Variants in SMOC2 observed in about 807,000 individuals in gnomAD.
SMOC2 encodes the protein SPARC-related modular calcium-binding protein 2.
A neutral mutation model predicts 61.4 loss-of-function variants in SMOC2; 39 were observed. The observed-to-expected ratio is 0.64, with a 90% confidence interval of 0.49 to 0.83. The LOEUF is 0.83. Ranked by LOEUF, SMOC2 falls within the 40% of genes least tolerant of loss-of-function variation. The pLI, the probability that SMOC2 is intolerant of heterozygous loss-of-function variation, is 0.00. For synonymous variants in SMOC2, 247 were observed against 239.9 expected (o/e 1.03, Z -0.27); for missense variants, 556 against 592.9 (o/e 0.94, Z 0.65).
intron 7 of SMOC2, among the ~76,000 whole-genome samples, chr6:168,578,983 G>C (rs957802456): frequency 6.6e-6 from 1 of 152,204 alleles, no homozygotes; most frequent in Non-Finnish European, 1.5e-5. Flanking sequence ...CTGGAGAAGA[G>C]GGCTAAAGGC....
intron 1 of SMOC2, among the ~76,000 whole-genome samples, chr6:168,504,183 G>A (rs777749956): frequency 7.9e-5 from 12 of 151,954 alleles, no homozygotes; most frequent in African/African-American, 1.9e-4. Context: ...TTAGATGGGC[G>A]GTCCCCAACC....
intron 1 of SMOC2, among the ~76,000 whole-genome samples, chr6:168,500,419 T>C (rs1246791954): frequency 1.3e-5 from 2 of 152,022 alleles, no homozygotes; most frequent in Non-Finnish European, 2.9e-5. Flanking sequence ...GTACTTGGTG[T>C]TGGCGGGTCT....
chr6:168,588,806 A>C (rs1785106025), intron 7 of SMOC2, among the ~76,000 whole-genome samples: 1 of 152,218 alleles, frequency 6.6e-6, no homozygotes, highest in Non-Finnish European at 1.5e-5. Flanking sequence ...ATAGAAGTAA[A>C]TACTGGTTAG....
intron 9 of SMOC2, among the ~76,000 whole-genome samples, chr6:168,626,232 C>A (rs750860342): frequency 7.2e-5 from 11 of 152,198 alleles, no homozygotes; most frequent in Non-Finnish European, 1.6e-4. Flanking sequence ...CTCGCACAGA[C>A]TCAAGTCCGC....
Position 168,526,418 on chromosome 6 carries a change from T to G in SMOC2, c.329T>G (p.Ile110Ser), listed in dbSNP as rs1783453971. 1 of 1,614,094 alleles carries G rather than the reference T, an allele frequency of 6.2e-7. No individual in the cohort carries two copies. The highest frequency in any genetic ancestry group is 1.7e-5 in the Admixed American group (1 of 60,006). The change falls in exon 3 of 13, where the codon ATT becomes AGT. Residue 110 changes from isoleucine (I) to serine (S), a missense_variant. Coordinates refer to ENST00000356284, the MANE Select transcript of SMOC2 (RefSeq NM_001166412.2). ...QARKEFQQVF[I>S]PECNDDGTYS... ...CGGAAGGAGTTTCAGCAAGTGTTCATTCCTGAGTGCAATGACGACGGCACC... is the reference window on the plus strand; with the variant it reads ...CGGAAGGAGTTTCAGCAAGTGTTCAGTCCTGAGTGCAATGACGACGGCACC...
At chr6:168,652,469 G>A (rs1787220085) in intron 10 of SMOC2, among the ~76,000 whole-genome samples, 1 of 152,192 alleles carries the variant, frequency 6.6e-6, no homozygotes, top group African/African-American at 2.4e-5. Context: ...GTTTATTTAT[G>A]TATGCCCTAA....
At chr6:168,655,953 G>A (rs552577602) in intron 11 of SMOC2, among the ~76,000 whole-genome samples, 24 of 150,010 alleles carry the variant, frequency 1.6e-4, no homozygotes, top group African/African-American at 3.7e-4. Flanking sequence ...TGGATCCCCC[G>A]TATGTGTGTG....
chr6:168,465,833 TG>T (rs1472066872), intron 1 of SMOC2, among the ~76,000 whole-genome samples: 4 of 117,112 alleles, frequency 3.4e-5, no homozygotes, highest in African/African-American at 1.3e-4. Flanking sequence ...GAGCTGGAAC[TG>T]GGGGGCTCTG....
At chr6:168,563,917 G>C (rs932076271) in intron 7 of SMOC2, among the ~76,000 whole-genome samples, 2 of 152,144 alleles carry the variant, frequency 1.3e-5, no homozygotes, top group Non-Finnish European at 2.9e-5. Context: ...GGCCTGCAGG[G>C]GGCGGGGGCG....
At chr6:168,554,102 C>T (rs1019599673) in intron 7 of SMOC2, among the ~76,000 whole-genome samples, 2 of 151,712 alleles carry the variant, frequency 1.3e-5, no homozygotes, top group African/African-American at 4.9e-5. Flanking sequence ...TTCCATGGGA[C>T]GAGTCGGTTA....
At position 168,535,602 on chromosome 6, in the gene SMOC2, C is replaced by T. The variant is rs1021714200; in HGVS notation, c.463+7875C>T. Among the ~76,000 whole-genome samples the T allele has an allele frequency of 3.3e-5, 5 of 152,174 alleles. No individual in the cohort carries two copies. The highest frequency in any genetic ancestry group is 1.2e-4 in the African/African-American group (5 of 41,442). Reference sequence around the variant, plus strand: ...CTAGGATAGAAAAAGACCCACGAAGCATAAAAGCCGGTGCCACAAAGTCCA... The same window carrying T: ...CTAGGATAGAAAAAGACCCACGAAGTATAAAAGCCGGTGCCACAAAGTCCA... On this transcript the variant is annotated intron_variant, in intron 4 of 12. Coordinates refer to ENST00000356284, the MANE Select transcript of SMOC2 (RefSeq NM_001166412.2). The surrounding 1 kb of genome is among the most constrained non-coding windows in gnomAD (Gnocchi z 4.6).
At chr6:168,482,738 G>C (rs532870872) in intron 1 of SMOC2, among the ~76,000 whole-genome samples, 6 of 152,120 alleles carry the variant, frequency 3.9e-5, no homozygotes, top group Admixed American at 3.9e-4. Flanking sequence ...GGAATGCAAG[G>C]ATGAATCAAT....
At chr6:168,569,765 A>G (rs2115139035) in intron 7 of SMOC2, among the ~76,000 whole-genome samples, 1 of 152,060 alleles carries the variant, frequency 6.6e-6, no homozygotes, top group Middle Eastern at 3.4e-3. Context: ...AATTTTTCAG[A>G]TGTGTGTTCT....
At chr6:168,564,092 A>G (rs889642441) in intron 7 of SMOC2, among the ~76,000 whole-genome samples, 18 of 152,248 alleles carry the variant, frequency 1.2e-4, no homozygotes, top group African/African-American at 3.9e-4. Flanking sequence ...ACTATTATCA[A>G]TAAGGTTTTG....
intron 7 of SMOC2, among the ~76,000 whole-genome samples, chr6:168,575,674 C>T (rs1296398280): frequency 6.6e-6 from 1 of 152,226 alleles, no homozygotes; most frequent in Non-Finnish European, 1.5e-5. Flanking sequence ...AAAAATAAAT[C>T]ATGCTAAATA....
intron 7 of SMOC2, among the ~76,000 whole-genome samples, chr6:168,555,137 G>C (rs964793050): frequency 1.3e-5 from 2 of 152,238 alleles, no homozygotes; most frequent in Non-Finnish European, 2.9e-5. Flanking sequence ...GCTCCTCTCG[G>C]CCTCGCCCTC....
At chr6:168,598,682 C>G in intron 7 of SMOC2, 136 bp from the exon 8 acceptor site, 1 of 975,608 alleles carries the variant, frequency 1.0e-6, no homozygotes, top group Non-Finnish European at 1.6e-6. Flanking sequence ...GTGCCCCCCA[C>G]GCTGGCAGGC....
chr6:168,640,115 T>C (rs1464581348), intron 9 of SMOC2, among the ~76,000 whole-genome samples: 2 of 152,198 alleles, frequency 1.3e-5, no homozygotes, highest in Non-Finnish European at 2.9e-5. Context: ...TGGTCAGCCC[T>C]GGTCAGCCCT....
chr6:168,509,944 G>A lies in SMOC2; in HGVS notation c.114G>A (p.Lys38=), dbSNP rs1199869101. The A allele has an allele frequency of 1.2e-6, 2 of 1,610,712 alleles. No individual in the cohort carries two copies. Among genetic ancestry groups the A allele is most frequent in the East Asian group, 2.2e-5 (1 of 44,830 alleles). ...TFLRVDQDKD[K]DCSLDCAGSP... is the part of the protein sequence containing the mutation. ...TGAGAGTGGATCAAGATAAAGACAA[G>A]GATTGTAGCTTGGACTGTGCGGGTT... is the stretch of plus-strand genomic sequence containing the variant. The change falls in exon 2 of 13, where the codon AAG becomes AAA. Residue 38 remains lysine (K), a synonymous_variant. Coordinates refer to ENST00000356284, the MANE Select transcript of SMOC2 (RefSeq NM_001166412.2).
Sources: allele counts gnomAD v4.1 joint callset (sites outside exome capture counted in the v4.1 genomes callset), GRCh38; gene constraint gnomAD v4.1.1; non-coding constraint Gnocchi (gnomAD v3.1); transcripts MANE v1.5; gene names NCBI Gene and HGNC (gene_info 2026-07-23, HGNC 2026-07-21).